TMEM215: variants seen among roughly 807,000 people sequenced by gnomAD.
The protein encoded by TMEM215 is transmembrane protein 215.
TMEM215 carries 12 observed loss-of-function variants against 14.7 expected under a neutral mutation model. That is an observed-to-expected ratio of 0.82 (90% CI 0.52 to 1.33). The LOEUF is 1.33. Ranked by LOEUF, TMEM215 falls within the 40% of genes most tolerant of loss-of-function variation. The pLI, the probability that TMEM215 is intolerant of heterozygous loss-of-function variation, is 0.00. For missense variants in TMEM215, 276 were observed against 296.2 expected (o/e 0.93, Z 0.50); for synonymous variants, 122 against 124.8 (o/e 0.98, Z 0.15).
intron 1 of TMEM215, 148 bp from the exon 2 acceptor site, chr9:32,783,978 A>T (rs1824470515): frequency 3.4e-6 from 2 of 582,006 alleles, no homozygotes; most frequent in Non-Finnish European, 6.1e-6. Context: ...AGAGAGATAG[A>T]GAGATTGCAA....
Position 32,784,635 on chromosome 9 carries a change from A to C in TMEM215, c.452A>C (p.Gln151Pro). The change falls in exon 2 of 2, where the codon CAG becomes CCG. Residue 151 changes from glutamine to proline, a missense_variant. Transcript: ENST00000342743. ...TEEGECQSLV[Q>P]NGHQEETSRY... ...GAAGGAGAATGCCAGAGCCTCGTCC[A>C]GAATGGGCATCAGGAGGAGACGTCC... 6.2e-7 allele frequency: 1 copy of C among 1,613,900 alleles called. No individual in the cohort carries two copies. The highest frequency in any genetic ancestry group is 8.5e-7 in the Non-Finnish European group (1 of 1,179,932).
Position 32,784,946 on chromosome 9 carries a change from G to T in TMEM215, c.*55G>T. Reference sequence around the variant, plus strand: ...AGAATATGACTAAGCCCAGCTCCCCGTGGAAGCAAATTGCTCTGCTTGGAG... The same window carrying T: ...AGAATATGACTAAGCCCAGCTCCCCTTGGAAGCAAATTGCTCTGCTTGGAG... On this transcript the variant is annotated 3_prime_UTR_variant, in exon 2 of 2. Coordinates refer to ENST00000342743, the MANE Select transcript of TMEM215 (RefSeq NM_212558.3). The T allele has an allele frequency of 6.8e-7, 1 of 1,463,496 alleles. No homozygotes were observed. The highest frequency in any genetic ancestry group is 1.2e-5 in the South Asian group (1 of 80,180). 90.7% of individuals were successfully genotyped at this position (1,463,496 alleles called of 1,614,324 possible).
In TMEM215 at chr9:32,785,006, G is replaced by A. The variant is rs1824490442; in HGVS notation, c.*115G>A. On this transcript the variant is annotated 3_prime_UTR_variant, in exon 2 of 2. Coordinates refer to ENST00000342743, the MANE Select transcript of TMEM215 (RefSeq NM_212558.3). Reference sequence around the variant, plus strand: ...ACTGTTAGAAATTGACCTGGTATGTGATGGGTGTGATAACCTCTGGTACCC... The same window carrying A: ...ACTGTTAGAAATTGACCTGGTATGTAATGGGTGTGATAACCTCTGGTACCC... 4 of 829,464 alleles carry A rather than the reference G, an allele frequency of 4.8e-6. No homozygotes were observed. Among genetic ancestry groups the A allele is most frequent in the Middle Eastern group, 3.2e-4 (1 of 3,156 alleles). 51.4% of individuals were successfully genotyped at this position (829,464 alleles called of 1,614,324 possible).
At chr9:32,784,035 C>A in intron 1 of TMEM215, 91 bp from the exon 2 acceptor site, 1 of 683,448 alleles carries the variant, frequency 1.5e-6, no homozygotes. Context: ...AGAAGCAAGT[C>A]GGAGACAAAG....
At position 32,787,587 on chromosome 9, in the gene TMEM215, G is replaced by A. The variant is rs1005085274; in HGVS notation, c.*2696G>A. On this transcript the variant is annotated 3_prime_UTR_variant, in exon 2 of 2. Transcript: ENST00000342743. ...AAAAATATATATACACAAAAAAAGG[G>A]GAAAAGCCACATTTTTTTGAACAGA... Among the ~76,000 whole-genome samples the A allele has an allele frequency of 1.3e-5, 2 of 151,776 alleles. No homozygotes were observed. The highest frequency in any genetic ancestry group is 4.8e-5 in the African/African-American group (2 of 41,302).
chr9:32,785,518 A>C lies in TMEM215; in HGVS notation c.*627A>C, dbSNP rs1824497920. The C allele has an allele frequency of 6.0e-6, 1 of 167,116 alleles. No homozygotes were observed. The highest frequency in any genetic ancestry group is 2.1e-4 in the South Asian group (1 of 4,832). The allele number at this position is 167,116 out of a possible 1,614,324, so 10.4% of individuals were successfully genotyped here. A position where few individuals can be genotyped will look rare whatever the true frequency, so the allele number is the denominator to read the frequency against. On this transcript the variant is annotated 3_prime_UTR_variant, in exon 2 of 2. Transcript: ENST00000342743. Reference sequence around the variant, plus strand: ...TCTGACAAGATCATGGTCTCTAATAAAGTAAAATAAGTGTGAGCAGCTATG... The same window carrying C: ...TCTGACAAGATCATGGTCTCTAATACAGTAAAATAAGTGTGAGCAGCTATG...
In TMEM215 at chr9:32,784,219, G is replaced by A; in HGVS notation, c.36G>A (p.Leu12=). The A allele has an allele frequency of 6.2e-7, 1 of 1,614,108 alleles. No individual in the cohort carries two copies. The highest frequency in any genetic ancestry group is 8.5e-7 in the Non-Finnish European group (1 of 1,179,984). ...ATGACATTAACCCGAGGACTGGGCT[G>A]GTGGTGGCCCTGGTCAGTGTCTTCC... ...RPDDINPRTG[L]VVALVSVFLV... is the part of the protein sequence containing the mutation. The change falls in exon 2 of 2, where the codon CTG becomes CTA. Residue 12 remains leucine, a synonymous_variant. Transcript: ENST00000342743.
In TMEM215 at chr9:32,788,755, G is replaced by C. The variant is rs1019136249; in HGVS notation, c.*3864G>C. On this transcript the variant is annotated 3_prime_UTR_variant, in exon 2 of 2. Coordinates refer to ENST00000342743, the MANE Select transcript of TMEM215 (RefSeq NM_212558.3). ...TCTTGTGGATATAAGACCCAGGGTG[G>C]GAAACAAAACGATGCTTCTTCCAAA... Among the ~76,000 whole-genome samples, 12 of 152,094 alleles carry C rather than the reference G, an allele frequency of 7.9e-5. No individual in the cohort carries two copies. The highest frequency in any genetic ancestry group is 7.9e-4 in the Admixed American group (12 of 15,262).
Position 32,789,033 on chromosome 9 carries a change from C to T in TMEM215, c.*4142C>T, listed in dbSNP as rs1028004196. Among the ~76,000 whole-genome samples, 4 of 152,116 alleles carry T rather than the reference C, an allele frequency of 2.6e-5. No homozygotes were observed. The highest frequency in any genetic ancestry group is 5.9e-5 in the Non-Finnish European group (4 of 68,016). Reference sequence around the variant, plus strand: ...TGTATTTCATATGTATATGTATTGTCGCCTATCAGTGACTTACAAATGAAC... The same window carrying T: ...TGTATTTCATATGTATATGTATTGTTGCCTATCAGTGACTTACAAATGAAC... On this transcript the variant is annotated 3_prime_UTR_variant, in exon 2 of 2. Coordinates refer to ENST00000342743, the MANE Select transcript of TMEM215 (RefSeq NM_212558.3).
Sources: gnomAD v4.1 joint callset for allele counts (sites outside exome capture counted in the v4.1 genomes callset) on GRCh38, gnomAD v4.1.1 for gene constraint, MANE v1.5 for transcripts, NCBI Gene and HGNC (gene_info 2026-07-23, HGNC 2026-07-21) for gene names.